ERICH3: variants seen among roughly 807,000 people sequenced by gnomAD.
The protein encoded by ERICH3 is glutamate rich 3, also known as glutamate-rich protein 3.
A neutral mutation model predicts 131.1 loss-of-function variants in ERICH3; 126 were observed. The ratio of observed to expected loss-of-function variants is 0.96; its 90% CI spans 0.83 to 1.11. ERICH3 has a LOEUF of 1.11. Ranked by LOEUF, ERICH3 falls within the 50% of genes most tolerant of loss-of-function variation. The pLI is 0.00. For synonymous variants in ERICH3, 695 were observed against 644.6 expected (o/e 1.08, Z -1.18); for missense variants, 2,050 against 1,810.7 (o/e 1.13, Z -2.40).
chr1:74,576,386 A>T (rs1187878821), intron 13 of ERICH3, among the ~76,000 whole-genome samples: 1 of 152,180 alleles, frequency 6.6e-6, no homozygotes, highest in Non-Finnish European at 1.5e-5. Context: ...GCCCATTATA[A>T]AAGATATGGG....
At chr1:74,656,354 T>C (rs1007014092) in intron 1 of ERICH3, among the ~76,000 whole-genome samples, 2 of 152,178 alleles carry the variant, frequency 1.3e-5, no homozygotes, top group Non-Finnish European at 2.9e-5. Flanking sequence ...GAATCCCAAC[T>C]GGCCCCATCA....
At chr1:74,671,554 T>C (rs1180277521) in intron 1 of ERICH3, among the ~76,000 whole-genome samples, 1 of 152,180 alleles carries the variant, frequency 6.6e-6, no homozygotes, top group African/African-American at 2.4e-5. Context: ...TGGCCGACAC[T>C]CATGGAAAAT....
At chr1:74,650,365 C>A (rs1198574167) in intron 1 of ERICH3, among the ~76,000 whole-genome samples, 2 of 152,146 alleles carry the variant, frequency 1.3e-5, no homozygotes, top group African/African-American at 4.8e-5. Context: ...CTGTTTCAAT[C>A]TATCCTTCAT....
Position 74,636,385 on chromosome 1 carries a change from T to C in ERICH3, c.498A>G (p.Leu166=). Residue 166 remains leucine (L), a synonymous_variant, in exon 6 of 15, where the codon TTA becomes TTG. Coordinates refer to ENST00000326665, the MANE Select transcript of ERICH3 (RefSeq NM_001002912.5). The part of the protein sequence containing the change: ...APGNMQPPIR[L]QPLPSNPAVE... ...CTGCAGGATTACTGGGAAGAGGCTG[T>C]AATCGAATTGGAGGCTGCATATTTC... 6.2e-7 allele frequency: 1 copy of C among 1,613,128 alleles called. No homozygotes were observed. The highest frequency in any genetic ancestry group is 8.5e-7 in the Non-Finnish European group (1 of 1,179,288).
In ERICH3 at chr1:74,573,413, G is replaced by A. The variant is rs1646996535; in HGVS notation, c.2297C>T (p.Thr766Met). The A allele has an allele frequency of 1.3e-6, 2 of 1,584,980 alleles. No individual in the cohort carries two copies. Among genetic ancestry groups the A allele is most frequent in the Admixed American group, 1.9e-5 (1 of 52,770 alleles). ...NKESQQLVQK[T>M]YTLEKKEAME... ...TGCTTCTTTCTTCTCCAGTGTATAC[G>A]TTTTTTGCACCAATTGCTGGGATTC... Residue 766 changes from threonine (T) to methionine (M), a missense_variant, in exon 14 of 15, where the codon ACG (threonine) becomes ATG (methionine). Coordinates refer to ENST00000326665, the MANE Select transcript of ERICH3 (RefSeq NM_001002912.5).
At chr1:74,639,930 T>C (rs1180083662) in intron 5 of ERICH3, among the ~76,000 whole-genome samples, 6 of 152,106 alleles carry the variant, frequency 3.9e-5, no homozygotes, top group African/African-American at 1.4e-4. Flanking sequence ...GGATTTGGAT[T>C]TCTGTAAAAT....
At chr1:74,659,723 C>T (rs1646622331) in intron 1 of ERICH3, among the ~76,000 whole-genome samples, 2 of 152,102 alleles carry the variant, frequency 1.3e-5, no homozygotes, top group African/African-American at 2.4e-5. Flanking sequence ...AGATTATTAT[C>T]CCATTTCACA....
intron 1 of ERICH3, among the ~76,000 whole-genome samples, chr1:74,650,919 G>A (rs1396018210): frequency 6.6e-6 from 1 of 151,454 alleles, no homozygotes; most frequent in Admixed American, 6.6e-5. Flanking sequence ...AAGACAAAGA[G>A]GAAGACAGAC....
At chr1:74,651,439 C>T (rs910207945) in intron 1 of ERICH3, among the ~76,000 whole-genome samples, 2 of 152,048 alleles carry the variant, frequency 1.3e-5, no homozygotes, top group East Asian at 1.9e-4. Flanking sequence ...AAACCAGCTC[C>T]GGATAATGCT....
At position 74,571,483 on chromosome 1, in the gene ERICH3, T is replaced by C. The variant is rs1235663267; in HGVS notation, c.4227A>G (p.Ala1409=). The C allele has an allele frequency of 5.0e-6, 8 of 1,613,968 alleles. No homozygotes were observed. The highest frequency in any genetic ancestry group is 6.8e-6 in the Non-Finnish European group (8 of 1,180,012). The change falls in exon 14 of 15, where the codon GCA becomes GCG. Residue 1409 remains alanine (A), a synonymous_variant. Transcript: ENST00000326665. ...CTGCTGGCACTTCCTCCCCACTCCGTGCTAATTCCTCTACCACCACCTTCC... is the reference window on the plus strand; with the variant it reads ...CTGCTGGCACTTCCTCCCCACTCCGCGCTAATTCCTCTACCACCACCTTCC... The part of the protein sequence containing the change: ...AAGKVVVEEL[A]RSGEEVPAAE...
intron 8 of ERICH3, among the ~76,000 whole-genome samples, chr1:74,616,103 G>T (rs1417366345): frequency 6.6e-6 from 1 of 152,090 alleles, no homozygotes; most frequent in Non-Finnish European, 1.5e-5. Flanking sequence ...CTGGGTTCAA[G>T]CTATTCTCGT....
At chr1:74,582,616 A>G (rs1647198689) in intron 12 of ERICH3, among the ~76,000 whole-genome samples, 1 of 152,164 alleles carries the variant, frequency 6.6e-6, no homozygotes, top group African/African-American at 2.4e-5. Context: ...CACTGCAATA[A>G]TTCAACTGCT....
chr1:74,573,100 C>G lies in ERICH3; in HGVS notation c.2610G>C (p.Leu870=). The G allele has an allele frequency of 6.2e-7, 1 of 1,614,092 alleles. No homozygotes were observed. The highest frequency in any genetic ancestry group is 2.2e-5 in the East Asian group (1 of 44,880). ...GCTTTTCAGGAGCCTCATCTTTACT[C>G]AGACCCACAGCATCTTTTGCTGCTG... The part of the protein sequence containing the change: ...GQAAAKDAVG[L]SKDEAPEKQA... Residue 870 remains leucine, a synonymous_variant, in exon 14 of 15, where the codon CTG becomes CTC. Coordinates refer to ENST00000326665, the MANE Select transcript of ERICH3 (RefSeq NM_001002912.5).
At chr1:74,582,298 C>T (rs1026174558) in intron 12 of ERICH3, among the ~76,000 whole-genome samples, 1 of 152,182 alleles carries the variant, frequency 6.6e-6, no homozygotes, top group African/African-American at 2.4e-5. Flanking sequence ...GGGAAACAAA[C>T]ACAAGATAGC....
At chr1:74,664,987 G>A (rs1013030117) in intron 1 of ERICH3, among the ~76,000 whole-genome samples, 3 of 152,124 alleles carry the variant, frequency 2.0e-5, no homozygotes, top group African/African-American at 7.2e-5. Flanking sequence ...TAGACTTAAC[G>A]TCTGTATCAC....
chr1:74,670,374 A>G (rs1026723379), intron 1 of ERICH3, among the ~76,000 whole-genome samples: 2 of 152,080 alleles, frequency 1.3e-5, no homozygotes, highest in Non-Finnish European at 2.9e-5. Flanking sequence ...CTGATCCTAT[A>G]TTGTCTGGCT....
At chr1:74,648,955 A>G (rs1391651745) in intron 2 of ERICH3, among the ~76,000 whole-genome samples, 1 of 152,154 alleles carries the variant, frequency 6.6e-6, no homozygotes, top group Non-Finnish European at 1.5e-5. Flanking sequence ...TGTTGAATGA[A>G]TGAATAAACA....
Position 74,572,726 on chromosome 1 carries a change from C to A in ERICH3, c.2984G>T (p.Ser995Ile). ...KEVMRTETRL[S>I]PFTGEAEASR... ...TGCCTCTGCCTCTCCTGTGAAGGGG[C>A]TCAAGCGTGTTTCTGTTCTCATAAC... Residue 995 changes from serine to isoleucine, a missense_variant, in exon 14 of 15, where the codon AGC (serine) becomes ATC (isoleucine). Transcript: ENST00000326665. 1.2e-6 allele frequency: 2 copies of A among 1,613,862 alleles called. No homozygotes were observed. Among genetic ancestry groups the A allele is most frequent in the Non-Finnish European group, 1.7e-6 (2 of 1,179,982 alleles).
rs1648760602 is a variant in ERICH3, at chr1:74,612,746, T to C, written c.1064A>G (p.Asn355Ser). 6.2e-7 allele frequency: 1 copy of C among 1,601,902 alleles called. No individual in the cohort carries two copies. Among genetic ancestry groups the C allele is most frequent in the South Asian group, 1.1e-5 (1 of 89,912 alleles). Residue 355 changes from asparagine (N) to serine (S), a missense_variant, in exon 9 of 15, where the codon AAT (asparagine) becomes AGT (serine). Coordinates refer to ENST00000326665, the MANE Select transcript of ERICH3 (RefSeq NM_001002912.5). Reference protein sequence around the residue: ...GFPFSLTFFLNGMQVNRLSSC... With the variant: ...GFPFSLTFFLSGMQVNRLSSC... Reference sequence around the variant, plus strand: ...GCTTAACCTGTTCACCTGCATCCCATTCAGGAAAAAGGTGAGACTGAAGGG... The same window carrying C: ...GCTTAACCTGTTCACCTGCATCCCACTCAGGAAAAAGGTGAGACTGAAGGG...
Sources: allele counts gnomAD v4.1 joint callset (sites outside exome capture counted in the v4.1 genomes callset), GRCh38; gene constraint gnomAD v4.1.1; transcripts MANE v1.5; gene names NCBI Gene and HGNC (gene_info 2026-07-23, HGNC 2026-07-21).